Variants in ROR2 observed in about 807,000 individuals in gnomAD.
ROR2 encodes the protein tyrosine-protein kinase transmembrane receptor ROR2.
ROR2 carries 33 observed loss-of-function variants against 74.9 expected under a neutral mutation model. That is an observed-to-expected ratio of 0.44 (90% CI 0.33 to 0.59). ROR2 has a LOEUF of 0.59. ROR2 is among the 20% of genes least tolerant of loss of function. ROR2 has a pLI of 0.02. For synonymous variants in ROR2, 586 were observed against 558.7 expected (o/e 1.05, Z -0.69); for missense variants, 1,216 against 1,313.8 (o/e 0.93, Z 1.15).
intron 1 of ROR2, among the ~76,000 whole-genome samples, chr9:91,806,743 C>G (rs1235957767): frequency 1.3e-5 from 2 of 152,160 alleles, no homozygotes; most frequent in African/African-American, 4.8e-5. Context: ...GCACCCACCA[C>G]CACACCCGGC....
rs73651556 is a variant in ROR2 at position 91,812,317 on chromosome 9, G to T, written c.98-36499C>A. Among the ~76,000 whole-genome samples the T allele has an allele frequency of 4.4e-3, 677 of 152,196 alleles. 7 individuals carry two copies. The highest frequency in any genetic ancestry group is 0.015 in the African/African-American group (630 of 41,524). On this transcript the variant is annotated intron_variant, in intron 1 of 8. Coordinates refer to ENST00000375708, the MANE Select transcript of ROR2 (RefSeq NM_004560.4). ...GAAAACGGGCGGATTTAGCAAACAGGTCGTTGAGATTACCCGATCCTTCTA... is the reference window on the plus strand; with the variant it reads ...GAAAACGGGCGGATTTAGCAAACAGTTCGTTGAGATTACCCGATCCTTCTA...
intron 1 of ROR2, among the ~76,000 whole-genome samples, chr9:91,946,018 C>T (rs1213194343): frequency 6.6e-6 from 1 of 152,174 alleles, no homozygotes; most frequent in Admixed American, 6.5e-5. Context: ...CCACACTACC[C>T]ACTGAAAGCC....
chr9:91,724,330 A>G lies in ROR2; in HGVS notation c.2164T>C (p.Tyr722His). ...TTCCAGCACTCGATCATGAGGGCAT[A>G]CACCCAGGCGGGACAGTCATCGGGG... ...PCPDDCPAWV[Y>H]ALMIECWNEF... is the part of the protein sequence containing the mutation. The change falls in exon 9 of 9, where the codon TAT becomes CAT. Residue 722 changes from tyrosine to histidine, a missense_variant. Coordinates refer to ENST00000375708, the MANE Select transcript of ROR2 (RefSeq NM_004560.4). The G allele has an allele frequency of 6.2e-7, 1 of 1,613,388 alleles. No individual in the cohort carries two copies. The highest frequency in any genetic ancestry group is 8.5e-7 in the Non-Finnish European group (1 of 1,180,020).
At chr9:91,813,586 C>T (rs1165302659) in intron 1 of ROR2, among the ~76,000 whole-genome samples, 2 of 152,176 alleles carry the variant, frequency 1.3e-5, no homozygotes, top group Non-Finnish European at 2.9e-5. Context: ...CCTTGAGGAA[C>T]CAAACTGCAA....
At chr9:91,874,768 T>G (rs2119343550) in intron 1 of ROR2, among the ~76,000 whole-genome samples, 1 of 152,100 alleles carries the variant, frequency 6.6e-6, no homozygotes, top group African/African-American at 2.4e-5. Context: ...AAACCCTGTC[T>G]CCACTAAAAA....
intron 1 of ROR2, among the ~76,000 whole-genome samples, chr9:91,948,391 A>C (rs1832068788): frequency 6.6e-6 from 1 of 152,232 alleles, no homozygotes; most frequent in Non-Finnish European, 1.5e-5. Context: ...GAGGGGTTGC[A>C]GAAATCGACA....
intron 1 of ROR2, among the ~76,000 whole-genome samples, chr9:91,861,025 T>A (rs1377675824): frequency 1.3e-5 from 2 of 152,166 alleles, no homozygotes; most frequent in Non-Finnish European, 2.9e-5. Context: ...AAATAATATA[T>A]TACTTAGGAA....
intron 1 of ROR2, among the ~76,000 whole-genome samples, chr9:91,945,100 A>C (rs1162139222): frequency 1.3e-5 from 2 of 152,058 alleles, no homozygotes; most frequent in Non-Finnish European, 2.9e-5. Context: ...AAAAAAGTTA[A>C]TACTACTCAG....
intron 1 of ROR2, among the ~76,000 whole-genome samples, chr9:91,943,159 C>A (rs550213421): frequency 6.6e-6 from 1 of 152,154 alleles, no homozygotes; most frequent in Non-Finnish European, 1.5e-5. Flanking sequence ...TCACCACTCA[C>A]TTGCGTTCTA....
At chr9:91,914,300 G>A (rs1831069037) in intron 1 of ROR2, among the ~76,000 whole-genome samples, 2 of 152,152 alleles carry the variant, frequency 1.3e-5, no homozygotes, top group Admixed American at 6.5e-5. Flanking sequence ...AAACCTCCAG[G>A]AGGCCTCAAT....
At chr9:91,864,870 C>G (rs939473371) in intron 1 of ROR2, among the ~76,000 whole-genome samples, 1 of 152,322 alleles carries the variant, frequency 6.6e-6, no homozygotes, top group Non-Finnish European at 1.5e-5. Context: ...ATGTTGCACA[C>G]CCCTTTACAT....
intron 1 of ROR2, among the ~76,000 whole-genome samples, chr9:91,924,302 C>T (rs947723900): frequency 1.3e-5 from 2 of 152,312 alleles, no homozygotes; most frequent in African/African-American, 2.4e-5. Context: ...CTAGTCCCTG[C>T]GGTGGAGAGA....
chr9:91,910,275 T>C (rs1375849237), intron 1 of ROR2, among the ~76,000 whole-genome samples: 1 of 152,244 alleles, frequency 6.6e-6, no homozygotes. Flanking sequence ...GGAGATTGAA[T>C]TGATGACTGT....
At chr9:91,806,228 G>A (rs1827542558) in intron 1 of ROR2, among the ~76,000 whole-genome samples, 1 of 152,200 alleles carries the variant, frequency 6.6e-6, no homozygotes, top group Admixed American at 6.5e-5. Flanking sequence ...CGTTTTCAGT[G>A]CTGGAGGCTG....
chr9:91,768,578 G>A (rs1264173192), intron 2 of ROR2, among the ~76,000 whole-genome samples: 1 of 152,192 alleles, frequency 6.6e-6, no homozygotes, highest in Non-Finnish European at 1.5e-5. Flanking sequence ...AGTCAGATGA[G>A]GGAAACGGCC....
At chr9:91,773,798 C>T (rs1318208157) in intron 2 of ROR2, among the ~76,000 whole-genome samples, 2 of 152,236 alleles carry the variant, frequency 1.3e-5, no homozygotes, top group East Asian at 3.8e-4. Flanking sequence ...ACTTCCCTCT[C>T]GTTTTCACTT....
chr9:91,757,134 G>T, intron 3 of ROR2, 138 bp downstream of exon 3: 1 of 1,091,860 alleles, frequency 9.2e-7, no homozygotes, highest in Non-Finnish European at 1.4e-6. Flanking sequence ...ACATGGGGAA[G>T]GCCCTAGGGA....
chr9:91,753,842 T>C (rs991628349), intron 4 of ROR2, among the ~76,000 whole-genome samples: 1 of 152,234 alleles, frequency 6.6e-6, no homozygotes, highest in Non-Finnish European at 1.5e-5. Context: ...GAGGTATTTC[T>C]TTTTAAAAAT....
intron 1 of ROR2, among the ~76,000 whole-genome samples, chr9:91,830,589 A>G (rs1828432957): frequency 6.6e-6 from 1 of 152,254 alleles, no homozygotes; most frequent in South Asian, 2.1e-4. Context: ...GCAGGAAAGT[A>G]GACTGGAGCC....
Sources: allele counts gnomAD v4.1 joint callset (sites outside exome capture counted in the v4.1 genomes callset), GRCh38; gene constraint gnomAD v4.1.1; transcripts MANE v1.5; gene names NCBI Gene and HGNC (gene_info 2026-07-23, HGNC 2026-07-21).